Variants in KLRG1 observed in about 807,000 individuals in gnomAD.
The protein encoded by KLRG1 is killer cell lectin-like receptor subfamily G member 1.
Under a neutral mutation model 21.8 loss-of-function variants are expected in KLRG1, and 16 were observed. That is an observed-to-expected ratio of 0.73 (90% CI 0.50 to 1.11). The LOEUF is 1.11. Ranked by LOEUF, KLRG1 falls within the 50% of genes most tolerant of loss-of-function variation. KLRG1 has a pLI of 0.00. For missense variants in KLRG1, 173 were observed against 218.3 expected (o/e 0.79, Z 1.31); for synonymous variants, 69 against 75.9 (o/e 0.91, Z 0.47).
chr12:9,176,145 A>G, the KLRG1 span, among the ~76,000 whole-genome samples: 1 of 152,240 alleles, frequency 6.6e-6, no homozygotes, highest in Admixed American at 6.5e-5. Context: ...GGATGAGTTC[A>G]TGTCCTTTGC....
chr12:9,117,756 T>C, the KLRG1 span, among the ~76,000 whole-genome samples: 3 of 152,250 alleles, frequency 2.0e-5, no homozygotes. Flanking sequence ...TTTTAAATTT[T>C]AAATTTTCTA....
chr12:9,080,147 T>A, the KLRG1 span: 201 of 1,588,270 alleles, frequency 1.3e-4, no homozygotes, highest in African/African-American at 2.5e-3. Context: ...TGGTGGCAGT[T>A]TCAGGGATAA....
chr12:9,207,199 C>T, the KLRG1 span, among the ~76,000 whole-genome samples: 1 of 152,168 alleles, frequency 6.6e-6, no homozygotes, highest in Non-Finnish European at 1.5e-5. Context: ...TATCCCTTTC[C>T]CGATTTGGGA....
chr12:9,137,538 A>G, the KLRG1 span, among the ~76,000 whole-genome samples: 1 of 151,790 alleles, frequency 6.6e-6, no homozygotes, highest in East Asian at 1.9e-4. Context: ...AAATTTTAGG[A>G]TTTCCTTTTC....
chr12:9,203,672 A>G, the KLRG1 span: 4 of 1,414,222 alleles, frequency 2.8e-6, no homozygotes, highest in Non-Finnish European at 3.9e-6. Flanking sequence ...TTAAAGTCAT[A>G]CCTTGGGATC....
At chr12:9,211,326 A>C in the KLRG1 span, among the ~76,000 whole-genome samples, 3 of 151,590 alleles carry the variant, frequency 2.0e-5, no homozygotes, top group South Asian at 6.3e-4. Flanking sequence ...TTAATTAACT[A>C]TTTACATGAC....
At chr12:9,213,907 C>G in the KLRG1 span, among the ~76,000 whole-genome samples, 1 of 151,874 alleles carries the variant, frequency 6.6e-6, no homozygotes, top group East Asian at 1.9e-4. Context: ...TTGCCTAATC[C>G]AAGGTCCCAA....
At chr12:9,169,359 A>C in the KLRG1 span, 1 of 1,361,632 alleles carries the variant, frequency 7.3e-7, no homozygotes, top group Non-Finnish European at 1.0e-6. Context: ...TAAGATTATG[A>C]ATAGATACAG....
chr12:9,162,087 A>G, the KLRG1 span, among the ~76,000 whole-genome samples: 1 of 151,892 alleles, frequency 6.6e-6, no homozygotes, highest in South Asian at 2.1e-4. Flanking sequence ...CCAGCCCCCC[A>G]TGTAGCTGGG....
chr12:9,058,597 C>T, the KLRG1 span: 1 of 152,128 alleles, frequency 6.6e-6, no homozygotes, highest in Non-Finnish European at 1.5e-5. Flanking sequence ...ACTGGCCTCC[C>T]CCAACCCTCT....
chr12:9,113,367 G>A, the KLRG1 span: 14 of 1,613,142 alleles, frequency 8.7e-6, no homozygotes, highest in Non-Finnish European at 1.2e-5. Context: ...CACAGCGAAG[G>A]CGACACAGTG....
chr12:9,030,951 A>T, the KLRG1 span, among the ~76,000 whole-genome samples: 1 of 152,260 alleles, frequency 6.6e-6, no homozygotes, highest in African/African-American at 2.4e-5. Flanking sequence ...CAGGGATTGC[A>T]GTGAGCACAC....
At chr12:9,072,511 A>G in the KLRG1 span, 1 of 1,605,064 alleles carries the variant, frequency 6.2e-7, no homozygotes, top group Non-Finnish European at 8.5e-7. Flanking sequence ...AGACAAAATC[A>G]GTTTTTTGCC....
chr12:9,071,431 A>AAAAT, the KLRG1 span, among the ~76,000 whole-genome samples: 22 of 151,412 alleles, frequency 1.5e-4, no homozygotes, highest in African/African-American at 4.1e-4. Context: ...AAATGAAAAA[A>AAAAT]ATATATATAT....
chr12:9,166,102 C>G, the KLRG1 span: 2 of 1,612,468 alleles, frequency 1.2e-6, no homozygotes, highest in South Asian at 1.1e-5. Context: ...AGCTTCGCAC[C>G]GTTTCAGGGA....
the KLRG1 span, among the ~76,000 whole-genome samples, chr12:9,060,600 C>T: frequency 2.0e-5 from 3 of 152,160 alleles, no homozygotes; most frequent in African/African-American, 7.2e-5. Flanking sequence ...CATTGCACTC[C>T]AGCCTGGGCA....
At chr12:9,007,164 T>C (rs997229808) in intron 3 of KLRG1, among the ~76,000 whole-genome samples, 1 of 152,132 alleles carries the variant, frequency 6.6e-6, no homozygotes, top group African/African-American at 2.4e-5. Context: ...GAAGAGAAAA[T>C]AGAGGTTATT....
At chr12:9,205,756 A>G in the KLRG1 span, among the ~76,000 whole-genome samples, 1 of 152,136 alleles carries the variant, frequency 6.6e-6, no homozygotes, top group Non-Finnish European at 1.5e-5. Flanking sequence ...TACTTTTTAA[A>G]TTGTTTTCTG....
chr12:9,016,944 G>A, the KLRG1 span, among the ~76,000 whole-genome samples: 1 of 151,932 alleles, frequency 6.6e-6, no homozygotes, highest in Admixed American at 6.6e-5. Flanking sequence ...AGAAAAGGAG[G>A]GAATGCTTCC....
Sources: allele counts gnomAD v4.1 joint callset (sites outside exome capture counted in the v4.1 genomes callset), GRCh38; gene constraint gnomAD v4.1.1; transcripts MANE v1.5; gene names NCBI Gene and HGNC (gene_info 2026-07-23, HGNC 2026-07-21).